Variants in UNKL observed in about 807,000 individuals in gnomAD.
UNKL encodes the protein putative E3 ubiquitin-protein ligase UNKL.
Under a neutral mutation model 78.0 loss-of-function variants are expected in UNKL, and 60 were observed. The observed-to-expected ratio is 0.77, with a 90% CI of 0.63 to 0.95. The LOEUF is 0.95. Ranked by LOEUF, UNKL falls within the 40% of genes least tolerant of loss-of-function variation. UNKL has a pLI of 0.00. For synonymous variants in UNKL, 608 were observed against 474.8 expected (o/e 1.28, Z -3.65); for missense variants, 1,159 against 1,045.7 (o/e 1.11, Z -1.49).
At position 1,399,126 on chromosome 16, in the gene UNKL, A is replaced by G; in HGVS notation, c.734+248T>C. On this transcript the variant is annotated intron_variant, in intron 5 of 14. Transcript: ENST00000389221. This position sits in a 1 kb window ranked among gnomAD's most constrained non-coding sequence, Gnocchi z 5.8. Reference sequence around the variant, plus strand: ...AGTGCTCCGTCCCCTTGCCTGGCAGAGGGGCCCCGGTAGGGGACTGCATGG... The same window carrying G: ...AGTGCTCCGTCCCCTTGCCTGGCAGGGGGGCCCCGGTAGGGGACTGCATGG... The G allele has an allele frequency of 1.7e-6, 2 of 1,180,248 alleles. No individual in the cohort carries two copies. Among genetic ancestry groups the G allele is most frequent in the East Asian group, 2.6e-5 (1 of 37,872 alleles). 73.1% of individuals were successfully genotyped at this position (1,180,248 alleles called of 1,614,324 possible).
chr16:1,388,109 C>A (rs1260937494), intron 9 of UNKL, among the ~76,000 whole-genome samples: 3 of 152,196 alleles, frequency 2.0e-5, no homozygotes, highest in African/African-American at 7.2e-5. Context: ...CCTGGAAGGG[C>A]CCCGGGCCCA....
At chr16:1,414,300 C>T (rs1430222213) in intron 1 of UNKL, among the ~76,000 whole-genome samples, 3 of 152,128 alleles carry the variant, frequency 2.0e-5, no homozygotes, top group Admixed American at 1.3e-4. Context: ...CCCTGGGCGA[C>T]CCGCTGTGAC....
At position 1,390,571 on chromosome 16, in the gene UNKL, G is replaced by A. The variant is rs1013584627; in HGVS notation, c.1086+61C>T. The A allele has an allele frequency of 2.3e-5, 35 of 1,507,516 alleles. No individual in the cohort carries two copies. In the East Asian group the frequency reaches 3.0e-4, roughly 13 times the overall value. 93.4% of individuals were successfully genotyped at this position (1,507,516 alleles called of 1,614,324 possible). ...GATGCCACGGGTCAGGCACGAGGGC[G>A]GGAAGCCTCAGCCCTAACGCGACAT... On this transcript the variant is annotated intron_variant, in intron 9 of 14. Transcript: ENST00000389221.
rs773785829 is a variant in UNKL, at chr16:1,370,317, G to C, written c.1398C>G (p.Pro466=). 2.6e-6 allele frequency: 4 copies of C among 1,533,058 alleles called. No individual in the cohort carries two copies. The South Asian group carries it at 3.6e-5, about 14-fold the overall frequency. The allele number at this position is 1,533,058 out of a possible 1,614,324, so 95.0% of individuals were successfully genotyped here. ...GCGATGGTGCTCTGGGCAGGGAGCC[G>C]GGGATGGCGACAGGTGCAGAGCCGG... is the stretch of plus-strand genomic sequence containing the variant. The part of the protein sequence containing the change: ...SLAGSAPVAI[P]GSLPRAPSLH... The change falls in exon 12 of 15, where the codon CCC becomes CCG. Residue 466 remains proline (P), a synonymous_variant. Transcript: ENST00000389221.
Position 1,387,042 on chromosome 16 carries a change from C to CGGCG in UNKL, c.1087-1661_1087-1658dup, listed in dbSNP as rs144670756. Among the ~76,000 whole-genome samples, 2,455 of 152,156 alleles carry CGGCG rather than the reference C, an allele frequency of 0.016. 58 individuals carry two copies. The highest frequency in any genetic ancestry group is 0.056 in the African/African-American group (2,302 of 41,462). On this transcript the variant is annotated intron_variant, in intron 9 of 14. Coordinates refer to ENST00000389221, the MANE Select transcript of UNKL (RefSeq NM_001372107.1). This position sits in a 1 kb window ranked among gnomAD's most constrained non-coding sequence, Gnocchi z 4.1. ...CAGTCCACCCCGTGAGCATCAGGGA[C>CGGCG]GGCGGTAACTCCTGCACCCTACACC... is the stretch of plus-strand genomic sequence containing the variant.
At chr16:1,375,354 C>T (rs984074392) in intron 10 of UNKL, among the ~76,000 whole-genome samples, 7 of 152,144 alleles carry the variant, frequency 4.6e-5, no homozygotes, top group Non-Finnish European at 1.0e-4. Context: ...ACTCCAGAGG[C>T]CGCAAGGCAG....
chr16:1,378,638 C>T (rs1370517567), intron 10 of UNKL, among the ~76,000 whole-genome samples: 2 of 152,190 alleles, frequency 1.3e-5, no homozygotes, highest in Admixed American at 6.5e-5. Flanking sequence ...ACTCAGAGGG[C>T]GTCAGCCACC....
At position 1,399,656 on chromosome 16, in the gene UNKL, G is replaced by A. The variant is rs949114584; in HGVS notation, c.599-147C>T. 4 of 1,219,088 alleles carry A rather than the reference G, an allele frequency of 3.3e-6. No homozygotes were observed. Among genetic ancestry groups the A allele is most frequent in the East Asian group, 2.6e-5 (1 of 38,102 alleles). 75.5% of individuals were successfully genotyped at this position (1,219,088 alleles called of 1,614,324 possible). A position where few individuals can be genotyped will look rare whatever the true frequency, so the allele number is the denominator to read the frequency against. ...AGCGCAGACACACGCCACGGCACACGCTGATGTCAAAGGACTCGCGCTCCA... is the reference window on the plus strand; with the variant it reads ...AGCGCAGACACACGCCACGGCACACACTGATGTCAAAGGACTCGCGCTCCA... On this transcript the variant is annotated intron_variant, in intron 4 of 14. Coordinates refer to ENST00000389221, the MANE Select transcript of UNKL (RefSeq NM_001372107.1). The surrounding 1 kb of genome is among the most constrained non-coding windows in gnomAD (Gnocchi z 5.8).
rs111479573 is a variant in UNKL, at chr16:1,398,382, A to C, written c.734+992T>G. ...AGTGCCTGTTGAAAAAATAATTTTTATTTTCTTTCCATGACGGGCGATGAC... is the reference window on the plus strand; with the variant it reads ...AGTGCCTGTTGAAAAAATAATTTTTCTTTTCTTTCCATGACGGGCGATGAC... On this transcript the variant is annotated intron_variant, in intron 5 of 14. Coordinates refer to ENST00000389221, the MANE Select transcript of UNKL (RefSeq NM_001372107.1). The C allele has an allele frequency of 4.6e-5, 47 of 1,018,444 alleles. No homozygotes were observed. The African/African-American group carries it at 7.6e-4, about 17-fold the overall frequency. The allele number at this position is 1,018,444 out of a possible 1,614,324, so 63.1% of individuals were successfully genotyped here.
At chr16:1,381,574 T>G (rs142928617) in intron 10 of UNKL, among the ~76,000 whole-genome samples, 3,153 of 152,256 alleles carry the variant, frequency 0.021, 44 homozygotes, top group Middle Eastern at 0.041. Context: ...GAGGCAAGAT[T>G]GTGCCATTGC....
chr16:1,403,147 C>T lies in UNKL; in HGVS notation c.464+21G>A. On this transcript the variant is annotated intron_variant, in intron 3 of 14. Transcript: ENST00000389221. The surrounding 1 kb of genome is among the most constrained non-coding windows in gnomAD (Gnocchi z 4.8). ...CACAGCAGCAGGCAGGCCAAGTGCC[C>T]ACTCGTGGATGCCCACTCACCTGAC... The T allele has an allele frequency of 6.3e-7, 1 of 1,597,762 alleles. No individual in the cohort carries two copies. The highest frequency in any genetic ancestry group is 8.5e-7 in the Non-Finnish European group (1 of 1,171,410).
intron 13 of UNKL, 36 bp from the exon 14 acceptor site, chr16:1,367,385 C>T (rs1416189437): frequency 2.0e-6 from 3 of 1,509,738 alleles, no homozygotes; most frequent in Admixed American, 4.0e-5. Context: ...CCCCCCACCT[C>T]ACCTGTGCCA....
At chr16:1,398,887 C>G in intron 5 of UNKL, 1 of 1,574,102 alleles carries the variant, frequency 6.4e-7, no homozygotes, top group Non-Finnish European at 8.6e-7. Context: ...GCAGGGCGAC[C>G]CTTGGGTTGT....
chr16:1,385,024 G>C (rs2036754878), intron 10 of UNKL, among the ~76,000 whole-genome samples, 184 bp downstream of exon 10: 1 of 152,218 alleles, frequency 6.6e-6, no homozygotes, highest in Non-Finnish European at 1.5e-5. Flanking sequence ...TCTGAGTCAG[G>C]GCTTGTTTCC....
chr16:1,372,407 G>A (rs1329229831), intron 10 of UNKL, among the ~76,000 whole-genome samples: 1 of 152,136 alleles, frequency 6.6e-6, no homozygotes, highest in Non-Finnish European at 1.5e-5. Flanking sequence ...GCCTCAGAGT[G>A]GCCTCACCCA....
rs775535716 is a variant in UNKL, at chr16:1,367,129, T to A, written c.2009A>T (p.Gln670Leu). 1 of 1,592,966 alleles carries A rather than the reference T, an allele frequency of 6.3e-7. No homozygotes were observed. Among genetic ancestry groups the A allele is most frequent in the Non-Finnish European group, 8.5e-7 (1 of 1,172,806 alleles). ...CTCCAGGTCCAGGCGCAGCTGACTCTGCAGCGAGTGCAGCTTCGGCAGGGG... is the reference window on the plus strand; with the variant it reads ...CTCCAGGTCCAGGCGCAGCTGACTCAGCAGCGAGTGCAGCTTCGGCAGGGG... ...TIPLPKLHSL[Q>L]SQLRLDLEAV... The change falls in exon 14 of 15, where the codon CAG becomes CTG. Residue 670 changes from glutamine to leucine, a missense_variant. Transcript: ENST00000389221.
At chr16:1,366,466 C>G in intron 14 of UNKL, 71 bp from the exon 15 acceptor site, 1 of 1,469,542 alleles carries the variant, frequency 6.8e-7, no homozygotes, top group Non-Finnish European at 9.1e-7. Context: ...AGCCGGAGGG[C>G]CTTCCGGGCA....
chr16:1,370,239 G>T lies in UNKL; in HGVS notation c.1476C>A (p.Pro492=). 1 of 1,533,066 alleles carries T rather than the reference G, an allele frequency of 6.5e-7. No homozygotes were observed. 95.0% of individuals were successfully genotyped at this position (1,533,066 alleles called of 1,614,324 possible). ...STSPLGSLSQ[P]LPGPVGSSAM... is the part of the protein sequence containing the mutation. ...CTGAGGAGCCCACCGGCCCTGGGAGGGGCTGGGACAGCGAACCGAGCGGCG... is the reference window on the plus strand; with the variant it reads ...CTGAGGAGCCCACCGGCCCTGGGAGTGGCTGGGACAGCGAACCGAGCGGCG... The change falls in exon 12 of 15, where the codon CCC becomes CCA. Residue 492 remains proline (P), a synonymous_variant. Coordinates refer to ENST00000389221, the MANE Select transcript of UNKL (RefSeq NM_001372107.1).
intron 5 of UNKL, chr16:1,398,420 A>G (rs908908333): frequency 1.9e-6 from 2 of 1,038,162 alleles, no homozygotes; most frequent in African/African-American, 3.4e-5. Flanking sequence ...AATCTCAGAC[A>G]CTAATTTGTG....
Sources: gnomAD v4.1 joint callset for allele counts (sites outside exome capture counted in the v4.1 genomes callset) on GRCh38, gnomAD v4.1.1 for gene constraint, Gnocchi (gnomAD v3.1) non-coding constraint, MANE v1.5 for transcripts, NCBI Gene and HGNC (gene_info 2026-07-23, HGNC 2026-07-21) for gene names.